The following MAST4 variants were observed in gnomAD, a reference collection of about 807,000 sequenced individuals.
MAST4 encodes the protein microtubule-associated serine/threonine-protein kinase 4.
Under a neutral mutation model 162.7 loss-of-function variants are expected in MAST4, and 89 were observed. The observed-to-expected ratio is 0.55, with a 90% CI of 0.46 to 0.65. MAST4 has a LOEUF of 0.65. MAST4 is among the 30% of genes least tolerant of loss of function. MAST4 has a pLI of 0.00. For synonymous variants in MAST4, 1,479 were observed against 1,361.1 expected (o/e 1.09, Z -1.91); for missense variants, 3,153 against 3,374.0 (o/e 0.93, Z 1.62).
chr5:66,886,736 C>T (rs960518027), intron 3 of MAST4, among the ~76,000 whole-genome samples: 1 of 150,304 alleles, frequency 6.7e-6, no homozygotes, highest in Non-Finnish European at 1.5e-5. Context: ...GTAATAGAAA[C>T]TAAAGTGAAA....
intron 4 of MAST4, among the ~76,000 whole-genome samples, chr5:66,919,534 G>T (rs1262253241): frequency 6.6e-6 from 1 of 151,744 alleles, no homozygotes; most frequent in African/African-American, 2.4e-5. Flanking sequence ...GGTGGCACAC[G>T]CCTGTAATCT....
At chr5:67,130,439 G>T in intron 15 of MAST4, 21 bp downstream of exon 15, 1 of 1,611,334 alleles carries the variant, frequency 6.2e-7, no homozygotes, top group South Asian at 1.1e-5. Flanking sequence ...CGGAAAACAT[G>T]ACACCTGTAC....
At chr5:66,878,205 G>C (rs1013065989) in intron 3 of MAST4, among the ~76,000 whole-genome samples, 3 of 152,216 alleles carry the variant, frequency 2.0e-5, no homozygotes, top group African/African-American at 7.2e-5. Context: ...CTTCTCTCCT[G>C]GTCATTGTTT....
intron 4 of MAST4, among the ~76,000 whole-genome samples, chr5:66,998,800 T>C (rs1750952708): frequency 6.6e-6 from 1 of 152,200 alleles, no homozygotes; most frequent in Non-Finnish European, 1.5e-5. Flanking sequence ...TAATAGGGAC[T>C]GATAATGTGC....
Position 66,865,032 on chromosome 5 carries a change from A to C in MAST4, c.643-34919A>C, listed in dbSNP as rs547735769. ...TTGTTTGGCCCATGAAAGAGAGAAC[A>C]GGAGAGAAAAACTGAGATCAAGGGT... On this transcript the variant is annotated intron_variant, in intron 3 of 28. Coordinates refer to ENST00000403625, the MANE Select transcript of MAST4 (RefSeq NM_001164664.2). 7.0e-4 allele frequency among the ~76,000 whole-genome samples: 106 copies of C among 152,332 alleles called. 3 individuals are homozygous for C. In the South Asian group the frequency reaches 0.022, roughly 31 times the overall value.
chr5:66,918,994 T>G (rs1328139861), intron 4 of MAST4, among the ~76,000 whole-genome samples: 1 of 151,784 alleles, frequency 6.6e-6, no homozygotes, highest in African/African-American at 2.4e-5. Context: ...TCCCAGCTAC[T>G]TGGGAGGCTG....
At chr5:67,022,717 A>T (rs942065772) in intron 4 of MAST4, among the ~76,000 whole-genome samples, 51 of 152,194 alleles carry the variant, frequency 3.4e-4, no homozygotes, top group Non-Finnish European at 1.0e-4. Context: ...ACGAAACATT[A>T]CTAAATGCAA....
At chr5:66,749,678 C>G (rs1753012514) in intron 1 of MAST4, among the ~76,000 whole-genome samples, 1 of 152,214 alleles carries the variant, frequency 6.6e-6, no homozygotes. Flanking sequence ...AGGTGCTTTA[C>G]ATATATGTAC....
At position 67,164,831 on chromosome 5, in the gene MAST4, G is replaced by A. The variant is rs150118393; in HGVS notation, c.5652G>A (p.Gln1884=). ...PWFLPPSRGL[Q]NSPAVSLPDP... is the part of the protein sequence containing the mutation. ...TCCTGCCCCCCAGCCGAGGTCTCCAGAATTCACCAGCAGTTTCCCTGCCTG... is the reference window on the plus strand; with the variant it reads ...TCCTGCCCCCCAGCCGAGGTCTCCAAAATTCACCAGCAGTTTCCCTGCCTG... Residue 1884 remains glutamine, a synonymous_variant, in exon 29 of 29, where the codon CAG becomes CAA. Coordinates refer to ENST00000403625, the MANE Select transcript of MAST4 (RefSeq NM_001164664.2). The surrounding 1 kb of genome is among the most constrained non-coding windows in gnomAD (Gnocchi z 5.3). 361 of 1,614,010 alleles carry A rather than the reference G, an allele frequency of 2.2e-4. 2 individuals are homozygous for A. In the African/African-American group the frequency reaches 4.7e-3, roughly 21 times the overall value.
At position 66,947,973 on chromosome 5, in the gene MAST4, T is replaced by C. The variant is rs138246580; in HGVS notation, c.674+47991T>C. ...AATCTAATCTCTTTCCCCTGCAAAA[T>C]ACAAAGGAAAATAGAGTGTCTGGAT... On this transcript the variant is annotated intron_variant, in intron 4 of 28. Transcript: ENST00000403625. Among the ~76,000 whole-genome samples, 10 of 152,182 alleles carry C rather than the reference T, an allele frequency of 6.6e-5. No individual in the cohort carries two copies. In the East Asian group the frequency reaches 1.9e-3, roughly 29 times the overall value.
intron 4 of MAST4, among the ~76,000 whole-genome samples, chr5:66,952,451 C>T (rs970371677): frequency 1.3e-5 from 2 of 152,126 alleles, no homozygotes; most frequent in Middle Eastern, 3.4e-3. Context: ...AAATGAACTC[C>T]AGTTATTAAA....
chr5:66,636,022 A>G (rs924182973), intron 1 of MAST4, among the ~76,000 whole-genome samples: 5 of 131,552 alleles, frequency 3.8e-5, no homozygotes, highest in Admixed American at 9.6e-5. Flanking sequence ...CAGTTGTGCA[A>G]TCTCAGCTCA....
intron 4 of MAST4, among the ~76,000 whole-genome samples, chr5:67,014,512 G>A (rs1753052799): frequency 6.6e-6 from 1 of 152,160 alleles, no homozygotes; most frequent in Admixed American, 6.5e-5. Flanking sequence ...CTGGGGTTAC[G>A]TATTTGAACC....
Position 67,164,166 on chromosome 5 carries a change from G to A in MAST4, c.4987G>A (p.Gly1663Ser). 3 of 1,610,288 alleles carry A rather than the reference G, an allele frequency of 1.9e-6. No homozygotes were observed. The highest frequency in any genetic ancestry group is 2.2e-5 in the East Asian group (1 of 44,766). ...LDRGISGKGEGTEKSSQAKEL... is the reference protein window; with the variant it reads ...LDRGISGKGESTEKSSQAKEL... Reference sequence around the variant, plus strand: ...CAGGGGCATCTCTGGGAAGGGGGAAGGCACGGAGAAGTCCTCCCAGGCCAA... The same window carrying A: ...CAGGGGCATCTCTGGGAAGGGGGAAAGCACGGAGAAGTCCTCCCAGGCCAA... Residue 1663 changes from glycine (G) to serine (S), a missense_variant, in exon 29 of 29, where the codon GGC (glycine) becomes AGC (serine). This residue lies in a region of MAST4 where 1,644 missense variants were observed against 1,495.0 expected (regional missense o/e 1.10). Coordinates refer to ENST00000403625, the MANE Select transcript of MAST4 (RefSeq NM_001164664.2). This position sits in a 1 kb window ranked among gnomAD's most constrained non-coding sequence, Gnocchi z 5.3.
intron 4 of MAST4, among the ~76,000 whole-genome samples, chr5:66,976,400 A>C: frequency 6.6e-6 from 1 of 152,222 alleles, no homozygotes; most frequent in East Asian, 1.9e-4. Flanking sequence ...CTAGTTTACT[A>C]AACAGTCATT....
At chr5:66,702,168 G>A (rs1484769218) in intron 1 of MAST4, among the ~76,000 whole-genome samples, 1 of 152,138 alleles carries the variant, frequency 6.6e-6, no homozygotes, top group Non-Finnish European at 1.5e-5. Context: ...TGGGAGCATC[G>A]GCTGCTGGAC....
Position 66,596,543 on chromosome 5 carries a change from C to G in MAST4, c.-113C>G. 1 of 1,220,824 alleles carries G rather than the reference C, an allele frequency of 8.2e-7. No individual in the cohort carries two copies. The highest frequency in any genetic ancestry group is 1.0e-6 in the Non-Finnish European group (1 of 964,698). The allele number at this position is 1,220,824 out of a possible 1,614,324, so 75.6% of individuals were successfully genotyped here. ...GTCGCTGGCGGGGCTCCCTGCAGCC[C>G]GGGAGCGGCAGTGCCAGTGAGCCTG... is the stretch of plus-strand genomic sequence containing the variant. On this transcript the variant is annotated 5_prime_UTR_variant, in exon 1 of 29. Transcript: ENST00000403625.
intron 4 of MAST4, among the ~76,000 whole-genome samples, chr5:67,021,810 T>G (rs986555284): frequency 1.3e-5 from 2 of 152,182 alleles, no homozygotes; most frequent in African/African-American, 4.8e-5. Context: ...GCAGTTATGT[T>G]TGCTTGATAT....
At chr5:67,132,068 A>G in intron 16 of MAST4, 117 bp downstream of exon 16, 1 of 1,195,762 alleles carries the variant, frequency 8.4e-7, no homozygotes, top group Non-Finnish European at 1.2e-6. Flanking sequence ...AATGTCCAAA[A>G]TGAGTTGTTT....
Sources: gnomAD v4.1 joint callset for allele counts (sites outside exome capture counted in the v4.1 genomes callset) on GRCh38, gnomAD v4.1.1 for gene constraint, gnomAD v4.1.1 regional missense constraint, Gnocchi (gnomAD v3.1) non-coding constraint, MANE v1.5 for transcripts, NCBI Gene and HGNC (gene_info 2026-07-23, HGNC 2026-07-21) for gene names.